The following FYN variants were observed in gnomAD, a reference collection of about 807,000 sequenced individuals.
FYN encodes tyrosine-protein kinase Fyn.
FYN carries 10 observed loss-of-function variants against 70.2 expected under a neutral mutation model. The ratio of observed to expected loss-of-function variants is 0.14; its 90% CI spans 0.09 to 0.24. The LOEUF (loss-of-function observed/expected upper bound fraction) is 0.24. FYN is among the 10% of genes least tolerant of loss of function. The pLI is 1.00. For missense variants in FYN, 319 were observed against 673.1 expected (o/e 0.47, Z 5.82); for synonymous variants, 236 against 248.6 (o/e 0.95, Z 0.48).
chr6:111,696,047 T>C (rs926665947), intron 10 of FYN, among the ~76,000 whole-genome samples: 2 of 152,170 alleles, frequency 1.3e-5, no homozygotes, highest in Admixed American at 1.3e-4. Context: ...CTGACACACA[T>C]AACATGTAAA....
chr6:111,738,765 G>C (rs531126697), intron 3 of FYN, among the ~76,000 whole-genome samples: 2 of 152,326 alleles, frequency 1.3e-5, no homozygotes, highest in South Asian at 4.1e-4. Context: ...GCTGAAAGAG[G>C]AAACATCTAG....
intron 2 of FYN, among the ~76,000 whole-genome samples, chr6:111,786,416 T>G (rs1771387100): frequency 6.6e-6 from 1 of 152,228 alleles, no homozygotes; most frequent in Non-Finnish European, 1.5e-5. Context: ...TGCATAGTAT[T>G]CCATGGTGTA....
At chr6:111,708,152 T>A (rs919309411) in intron 5 of FYN, 132 bp from the exon 6 acceptor site, 12 of 680,246 alleles carry the variant, frequency 1.8e-5, no homozygotes, top group Admixed American at 1.8e-4. Flanking sequence ...ATTCCTTTAC[T>A]CTGAACTCCA....
intron 2 of FYN, among the ~76,000 whole-genome samples, chr6:111,836,436 A>T (rs978326882): frequency 2.0e-5 from 3 of 151,818 alleles, no homozygotes; most frequent in African/African-American, 4.9e-5. Context: ...AAAAATTTTT[A>T]AATTATATTT....
intron 2 of FYN, among the ~76,000 whole-genome samples, chr6:111,797,604 T>C (rs111339942): frequency 2.3e-3 from 334 of 142,950 alleles, no homozygotes; most frequent in African/African-American, 7.7e-3. Flanking sequence ...TTCAATTACA[T>C]TAGAAAACAA....
intron 1 of FYN, among the ~76,000 whole-genome samples, chr6:111,867,461 A>AG (rs57929924): frequency 1.9e-4 from 26 of 133,690 alleles, no homozygotes; most frequent in East Asian, 4.0e-4. Flanking sequence ...GTCTCGGGAA[A>AG]AAAAAAAAAA....
intron 1 of FYN, among the ~76,000 whole-genome samples, chr6:111,870,327 G>A (rs1267162268): frequency 6.6e-6 from 1 of 152,194 alleles, no homozygotes; most frequent in Non-Finnish European, 1.5e-5. Context: ...GTGGGACCCA[G>A]AGTCACTGCA....
At chr6:111,712,278 T>C (rs1800417905) in intron 5 of FYN, among the ~76,000 whole-genome samples, 2 of 152,144 alleles carry the variant, frequency 1.3e-5, no homozygotes. Context: ...TTACAAATAG[T>C]CTTGAAATTT....
At chr6:111,846,972 A>G (rs773083530) in intron 1 of FYN, among the ~76,000 whole-genome samples, 30 of 152,158 alleles carry the variant, frequency 2.0e-4, no homozygotes, top group Non-Finnish European at 4.1e-4. Context: ...CAGAGTCTCT[A>G]CAAGTCATCA....
chr6:111,691,954 C>T (rs895293886), intron 12 of FYN, among the ~76,000 whole-genome samples: 1 of 152,124 alleles, frequency 6.6e-6, no homozygotes, highest in African/African-American at 2.4e-5. Context: ...CCTATTGTTT[C>T]CCTGCTTGGT....
rs139511759 is a variant in FYN at position 111,816,320 on chromosome 6, A to C, written c.-82+30269T>G. Among the ~76,000 whole-genome samples, 172 of 152,342 alleles carry C rather than the reference A, an allele frequency of 1.1e-3. 1 individual carries two copies. Among genetic ancestry groups the C allele is most frequent in the African/African-American group, 3.9e-3 (163 of 41,582 alleles). On this transcript the variant is annotated intron_variant, in intron 2 of 13. Coordinates refer to ENST00000354650, the MANE Select transcript of FYN (RefSeq NM_002037.5). ...TCTTCCTTATGACATACTAACAACT[A>C]GAGCAAAAGCTCTGATAATAGTTAC... is the stretch of plus-strand genomic sequence containing the variant.
intron 2 of FYN, among the ~76,000 whole-genome samples, chr6:111,831,926 A>G (rs1365815107): frequency 6.6e-6 from 1 of 152,204 alleles, no homozygotes; most frequent in Non-Finnish European, 1.5e-5. Context: ...AGAATAAAGA[A>G]TAATACAACT....
intron 3 of FYN, among the ~76,000 whole-genome samples, chr6:111,770,509 CTGCT>C (rs1803403929): frequency 6.6e-6 from 1 of 152,168 alleles, no homozygotes; most frequent in Non-Finnish European, 1.5e-5. Context: ...ATTATGGTGA[CTGCT>C]TGTAGACTGA....
intron 2 of FYN, among the ~76,000 whole-genome samples, chr6:111,827,484 C>A (rs1409916079): frequency 6.6e-6 from 1 of 152,170 alleles, no homozygotes; most frequent in Non-Finnish European, 1.5e-5. Flanking sequence ...TGTAGAGGAA[C>A]AACACTGGGG....
chr6:111,747,067 C>A (rs898835860), intron 3 of FYN, among the ~76,000 whole-genome samples: 45 of 152,046 alleles, frequency 3.0e-4, no homozygotes, highest in African/African-American at 1.1e-3. Flanking sequence ...TCCACAGAAA[C>A]CTACACATGG....
chr6:111,696,409 C>T lies in FYN; in HGVS notation c.910G>A (p.Gly304Ser). The change falls in exon 10 of 14, where the codon GGC becomes AGC. Residue 304 changes from glycine to serine, a missense_variant. Gly to Ser is a moderately conservative substitution (Grantham distance 56). Around this residue, in one of 4 missense-constraint regions of FYN, gnomAD observed 112 missense variants for 250.2 expected, o/e 0.45. Transcript: ENST00000354650. ...AGGAATGATTCGGGGGACATTGTGC[C>T]TGGTTTAAGAGTCTTTATGGCTACT... The part of the protein sequence containing the change: ...TKVAIKTLKP[G>S]TMSPESFLEE... 3 of 1,612,544 alleles carry T rather than the reference C, an allele frequency of 1.9e-6. No individual in the cohort carries two copies. The highest frequency in any genetic ancestry group is 2.5e-6 in the Non-Finnish European group (3 of 1,179,336).
chr6:111,733,288 C>T (rs1199501443), intron 3 of FYN, among the ~76,000 whole-genome samples: 1 of 152,118 alleles, frequency 6.6e-6, no homozygotes, highest in Non-Finnish European at 1.5e-5. Context: ...ATTTTACAGT[C>T]AAGGAACCTT....
chr6:111,793,929 G>A (rs1771720862), intron 2 of FYN: 1 of 152,192 alleles, frequency 6.6e-6, no homozygotes, highest in Non-Finnish European at 1.5e-5. Context: ...GCACCGAGAT[G>A]GACATCCTGA....
intron 3 of FYN, among the ~76,000 whole-genome samples, chr6:111,737,706 G>A (rs966228523): frequency 1.3e-5 from 2 of 152,124 alleles, no homozygotes; most frequent in Non-Finnish European, 2.9e-5. Flanking sequence ...TTAACCTTCA[G>A]TCCCCTTTTC....
Sources: gnomAD v4.1 joint callset for allele counts (sites outside exome capture counted in the v4.1 genomes callset) on GRCh38, gnomAD v4.1.1 for gene constraint, gnomAD v4.1.1 regional missense constraint, MANE v1.5 for transcripts, NCBI Gene and HGNC (gene_info 2026-07-23, HGNC 2026-07-21) for gene names.